ATP2B4: variants seen among roughly 807,000 people sequenced by gnomAD.
The protein encoded by ATP2B4 is ATPase plasma membrane Ca2+ transporting 4.
In ATP2B4, 39 loss-of-function variants were observed where a neutral mutation model predicts 110.3. The observed-to-expected ratio is 0.35, with a 90% confidence interval of 0.27 to 0.46. The LOEUF is 0.46. Among genes scored for constraint, ATP2B4 ranks in the 20% least tolerant of loss-of-function variants. The pLI is 1.00. For synonymous variants in ATP2B4, 538 were observed against 571.7 expected, an observed-to-expected ratio of 0.94 and a Z score of 0.84; for missense variants, 1,135 against 1,530.9, an observed-to-expected ratio of 0.74 and a Z score of 4.32.
intron 1 of ATP2B4, among the ~76,000 whole-genome samples, chr1:203,655,386 C>G (rs537442817): frequency 6.6e-6 from 1 of 152,056 alleles, no homozygotes; most frequent in African/African-American, 2.4e-5. Flanking sequence ...TGGCTCACGT[C>G]TGTAATCCCA....
chr1:203,733,170 C>A (rs1666781896), intron 20 of ATP2B4: 1 of 1,512,994 alleles, frequency 6.6e-7, no homozygotes, highest in Non-Finnish European at 8.9e-7. Flanking sequence ...CTTTCTTCAC[C>A]TCTCTCGGAC....
chr1:203,710,079 A>T (rs746548647), intron 11 of ATP2B4, among the ~76,000 whole-genome samples: 5 of 152,168 alleles, frequency 3.3e-5, no homozygotes, highest in Non-Finnish European at 5.9e-5. Context: ...TTTAAAAGTG[A>T]CTATTCGGCC....
chr1:203,643,304 A>G (rs1558012315), intron 1 of ATP2B4, among the ~76,000 whole-genome samples: 1 of 152,212 alleles, frequency 6.6e-6, no homozygotes, highest in Non-Finnish European at 1.5e-5. Context: ...GTAGAAGTCA[A>G]TGCTGGGAAA....
intron 17 of ATP2B4, 112 bp from the exon 18 acceptor site, chr1:203,722,366 T>G (rs1202083642): frequency 6.0e-6 from 5 of 830,026 alleles, no homozygotes; most frequent in Non-Finnish European, 9.9e-6. Context: ...GCTCAGATAT[T>G]GATTAATTAG....
intron 20 of ATP2B4, 21 bp downstream of exon 20, chr1:203,727,592 C>T (rs1196809895): frequency 6.2e-7 from 1 of 1,611,382 alleles, no homozygotes; most frequent in African/African-American, 1.3e-5. Flanking sequence ...AGTGGTCTGT[C>T]CTTCCCTTGG....
intron 15 of ATP2B4, among the ~76,000 whole-genome samples, chr1:203,714,597 C>T (rs185426990): frequency 1.6e-4 from 25 of 152,176 alleles, no homozygotes; most frequent in Admixed American, 1.2e-3. Flanking sequence ...GGTAGGCGCT[C>T]TGTGTGGCTG....
At position 203,666,377 on chromosome 1, in the gene ATP2B4, C is replaced by T. The variant is rs115091650; in HGVS notation, c.-464-16365C>T. On this transcript the variant is annotated intron_variant, in intron 1 of 20. Coordinates refer to ENST00000357681, the MANE Select transcript of ATP2B4 (RefSeq NM_001684.5). ...GTTGAAAGGGTCCTGACCAGGGGACCTGCAGGAGGTGGACAGCAAGGCAGG... is the reference window on the plus strand; with the variant it reads ...GTTGAAAGGGTCCTGACCAGGGGACTTGCAGGAGGTGGACAGCAAGGCAGG... Among the ~76,000 whole-genome samples, 605 of 152,298 alleles carry T rather than the reference C, an allele frequency of 4.0e-3. 6 individuals carry two copies. Among genetic ancestry groups the T allele is most frequent in the African/African-American group, 0.014 (579 of 41,558 alleles).
At chr1:203,719,692 G>A (rs530035913) in intron 15 of ATP2B4, among the ~76,000 whole-genome samples, 3 of 149,618 alleles carry the variant, frequency 2.0e-5, no homozygotes, top group South Asian at 4.2e-4. Flanking sequence ...TCCAGCCTGG[G>A]CAACAGAGGG....
At chr1:203,641,819 T>C (rs1259417714) in intron 1 of ATP2B4, among the ~76,000 whole-genome samples, 1 of 152,200 alleles carries the variant, frequency 6.6e-6, no homozygotes, top group African/African-American at 2.4e-5. Context: ...TTATTTACTC[T>C]CCTGGAAGAT....
chr1:203,668,013 T>C (rs11240709), intron 1 of ATP2B4, among the ~76,000 whole-genome samples: 120,030 of 152,150 alleles, frequency 0.79, 49,403 homozygotes, highest in Middle Eastern at 0.9. Context: ...GAGATGCCTA[T>C]GAAAGTTTCA....
At chr1:203,663,345 C>G (rs914877351) in intron 1 of ATP2B4, among the ~76,000 whole-genome samples, 1 of 151,862 alleles carries the variant, frequency 6.6e-6, no homozygotes, top group Non-Finnish European at 1.5e-5. Context: ...TTTTGTTCTC[C>G]TCCCTTTTGT....
chr1:203,735,002 C>CAAAAA (rs35552196), intron 20 of ATP2B4, among the ~76,000 whole-genome samples: 769 of 57,138 alleles, frequency 0.013, 26 homozygotes, highest in Non-Finnish European at 0.018. Context: ...GACTCCATCT[C>CAAAAA]AAAAAAAAAA....
At chr1:203,712,650 C>T (rs563525523) in intron 13 of ATP2B4, among the ~76,000 whole-genome samples, 1 of 150,818 alleles carries the variant, frequency 6.6e-6, no homozygotes, top group Admixed American at 6.6e-5. Context: ...TAGCTTCATT[C>T]ACAAGCTATC....
intron 17 of ATP2B4, among the ~76,000 whole-genome samples, 180 bp from the exon 18 acceptor site, chr1:203,722,298 C>T (rs1666360220): frequency 6.6e-6 from 1 of 152,102 alleles, no homozygotes; most frequent in Non-Finnish European, 1.5e-5. Flanking sequence ...CATGCCACTG[C>T]GCTCCAGCCT....
chr1:203,652,756 G>C (rs1664036948), intron 1 of ATP2B4, among the ~76,000 whole-genome samples: 1 of 152,118 alleles, frequency 6.6e-6, no homozygotes, highest in South Asian at 2.1e-4. Flanking sequence ...TGCTACAAAT[G>C]GTGCCCATAT....
rs1296015093 is a variant in ATP2B4 at position 203,699,608 on chromosome 1, G to T, written c.540G>T (p.Leu180=). The change falls in exon 4 of 21, where the codon CTG becomes CTT. Residue 180 remains leucine (L), a synonymous_variant. Transcript: ENST00000357681. The part of the protein sequence containing the change: ...DWSKEKQFRG[L]QCRIEQEQKF... ...GCAAAGAGAAGCAATTCCGGGGGCT[G>T]CAGTGCCGCATTGAACAGGAGCAAA... 9.3e-6 allele frequency: 15 copies of T among 1,614,090 alleles called. No homozygotes were observed. The highest frequency in any genetic ancestry group is 1.1e-5 in the Non-Finnish European group (13 of 1,180,044).
Position 203,709,492 on chromosome 1 carries a change from C to A in ATP2B4, c.1749C>A (p.Asn583Lys). 1 of 1,614,196 alleles carries A rather than the reference C, an allele frequency of 6.2e-7. No homozygotes were observed. Among genetic ancestry groups the A allele is most frequent in the Non-Finnish European group, 8.5e-7 (1 of 1,180,042 alleles). The change falls in exon 11 of 21, where the codon AAC (asparagine) becomes AAA (lysine). Residue 583 changes from asparagine to lysine, a missense_variant. Transcript: ENST00000357681. ...KSMSTVIRNP[N>K]GGFRMYSKGA... Reference sequence around the variant, plus strand: ...TGAGCACCGTCATCAGGAATCCCAACGGTGGCTTCCGTATGTACAGCAAGG... The same window carrying A: ...TGAGCACCGTCATCAGGAATCCCAAAGGTGGCTTCCGTATGTACAGCAAGG...
chr1:203,698,149 C>T lies in ATP2B4; in HGVS notation c.194-8C>T. The T allele has an allele frequency of 6.2e-7, 1 of 1,614,028 alleles. No individual in the cohort carries two copies. Among genetic ancestry groups the T allele is most frequent in the Non-Finnish European group, 8.5e-7 (1 of 1,179,960 alleles). On this transcript the variant is annotated splice_region_variant and splice_polypyrimidine_tract_variant and intron_variant, in intron 2 of 20. Coordinates refer to ENST00000357681, the MANE Select transcript of ATP2B4 (RefSeq NM_001684.5). ...ACATTCATTCATCCACTCCTATCTC[C>T]TTTTCAGGTCTGTCTGGGAACCCTG...
At chr1:203,691,708 C>CCGTG (rs1665380385) in intron 2 of ATP2B4, among the ~76,000 whole-genome samples, 1 of 152,076 alleles carries the variant, frequency 6.6e-6, no homozygotes, top group South Asian at 2.1e-4. Context: ...AATCTCCAAG[C>CCGTG]CATGCGTGTA....
Sources: gnomAD v4.1 joint callset for allele counts (sites outside exome capture counted in the v4.1 genomes callset) on GRCh38, gnomAD v4.1.1 for gene constraint, MANE v1.5 for transcripts, NCBI Gene and HGNC (gene_info 2026-07-23, HGNC 2026-07-21) for gene names.